NHEJ1: variants seen among roughly 807,000 people sequenced by gnomAD.
The protein encoded by NHEJ1 is non-homologous end-joining factor 1.
Under a neutral mutation model 39.4 loss-of-function variants are expected in NHEJ1, and 22 were observed. The observed-to-expected ratio is 0.56, with a 90% CI of 0.40 to 0.80. The LOEUF (loss-of-function observed/expected upper bound fraction) is 0.80. Among genes scored for constraint, NHEJ1 ranks in the 30% least tolerant of loss-of-function variants. The pLI, the probability that NHEJ1 is intolerant of heterozygous loss-of-function variation, is 0.00. For synonymous variants in NHEJ1, 154 were observed against 135.6 expected, an observed-to-expected ratio of 1.14 and a Z score of -0.94; for missense variants, 329 against 357.1, an observed-to-expected ratio of 0.92 and a Z score of 0.63.
intron 5 of NHEJ1, among the ~76,000 whole-genome samples, chr2:219,092,743 C>T (rs912400725): frequency 6.6e-5 from 10 of 152,148 alleles, no homozygotes; most frequent in Non-Finnish European, 7.3e-5. Context: ...AGAAAGACCA[C>T]GTAGAGCCAG....
intron 5 of NHEJ1, among the ~76,000 whole-genome samples, chr2:219,136,539 T>C (rs1949630319): frequency 6.6e-6 from 1 of 152,124 alleles, no homozygotes. Context: ...TCCACCCACC[T>C]CAGCCTCCCA....
intron 5 of NHEJ1, among the ~76,000 whole-genome samples, chr2:219,137,072 A>G (rs1034469122): frequency 3.0e-4 from 42 of 138,574 alleles, no homozygotes; most frequent in African/African-American, 3.1e-4. Flanking sequence ...TCTTCTTGAG[A>G]AAAAAAAAAA....
At chr2:219,093,070 T>C (rs1949175615) in intron 5 of NHEJ1, among the ~76,000 whole-genome samples, 1 of 152,230 alleles carries the variant, frequency 6.6e-6, no homozygotes, top group African/African-American at 2.4e-5. Flanking sequence ...TATATGTGTG[T>C]ATATTAACAG....
chr2:219,111,662 C>CACACAG lies in NHEJ1; in HGVS notation c.589-33457_589-33456insCTGTGT, dbSNP rs1553544990. Among the ~76,000 whole-genome samples, 3 of 148,956 alleles carry CACACAG rather than the reference C, an allele frequency of 2.0e-5. No individual in the cohort carries two copies. Among genetic ancestry groups the CACACAG allele is most frequent in the African/African-American group, 5.0e-5 (2 of 40,236 alleles). ...ACACACACACACACACACACACACA[C>CACACAG]AGAGAGATACATACAGTCAGTGGGA... On this transcript the variant is annotated intron_variant, in intron 5 of 7. Transcript: ENST00000356853. The surrounding 1 kb of genome is among the most constrained non-coding windows in gnomAD (Gnocchi z 4.1).
At chr2:219,097,624 T>C (rs2106331087) in intron 5 of NHEJ1, among the ~76,000 whole-genome samples, 1 of 152,170 alleles carries the variant, frequency 6.6e-6, no homozygotes, top group African/African-American at 2.4e-5. Flanking sequence ...TCTGAAAGGA[T>C]GAAGTTGCCA....
intron 5 of NHEJ1, among the ~76,000 whole-genome samples, chr2:219,080,276 C>G (rs529384113): frequency 5.3e-5 from 8 of 152,236 alleles, no homozygotes; most frequent in Non-Finnish European, 7.4e-5. Context: ...GTGGCTCACA[C>G]CTGTAATCCC....
intron 7 of NHEJ1, 24 bp downstream of exon 7, chr2:219,077,222 T>G: frequency 6.4e-7 from 1 of 1,566,862 alleles, no homozygotes; most frequent in Non-Finnish European, 8.8e-7. Flanking sequence ...CAGAACACCA[T>G]CCAGGAAGCT....
At chr2:219,085,018 G>T (rs1017991036) in intron 5 of NHEJ1, among the ~76,000 whole-genome samples, 7 of 152,140 alleles carry the variant, frequency 4.6e-5, no homozygotes, top group African/African-American at 1.4e-4. Context: ...TTCCTAATGT[G>T]GCTTGTGCAA....
chr2:219,079,036 G>A (rs946034621), intron 5 of NHEJ1, among the ~76,000 whole-genome samples: 2 of 152,178 alleles, frequency 1.3e-5, no homozygotes, highest in African/African-American at 2.4e-5. Context: ...ATATTTATCT[G>A]TTTCCTTCAC....
chr2:219,098,772 G>A (rs1574710582), intron 5 of NHEJ1, among the ~76,000 whole-genome samples: 1 of 152,160 alleles, frequency 6.6e-6, no homozygotes, highest in Non-Finnish European at 1.5e-5. Flanking sequence ...GCAACACAGC[G>A]AGAGTCTGTC....
intron 5 of NHEJ1, among the ~76,000 whole-genome samples, chr2:219,137,570 C>CAAAAAAAAAAAAAAAAAAAAAAAAAA (rs58279021): frequency 5.8e-5 from 2 of 34,726 alleles, no homozygotes; most frequent in Non-Finnish European, 1.2e-4. Context: ...GTGTTACAGG[C>CAAAAAAAAAAAAAAAAAAAAAAAAAA]AAAAAAAAAA....
chr2:219,080,482 G>A (rs984108627), intron 5 of NHEJ1, among the ~76,000 whole-genome samples: 6 of 150,748 alleles, frequency 4.0e-5, no homozygotes, highest in Admixed American at 6.6e-5. Flanking sequence ...CTGAGATTGC[G>A]CCACTGCACT....
intron 5 of NHEJ1, among the ~76,000 whole-genome samples, chr2:219,100,806 C>CTT (rs1266629301): frequency 6.6e-6 from 1 of 152,160 alleles, no homozygotes; most frequent in Non-Finnish European, 1.5e-5. Flanking sequence ...GCAAAGAACT[C>CTT]TATCAAGATA....
chr2:219,092,935 G>C (rs1299001805), intron 5 of NHEJ1, among the ~76,000 whole-genome samples: 1 of 152,174 alleles, frequency 6.6e-6, no homozygotes, highest in Non-Finnish European at 1.5e-5. Context: ...AGACCTCCCT[G>C]TGCCTATTCA....
At chr2:219,147,339 A>T (rs1404523836) in intron 4 of NHEJ1, among the ~76,000 whole-genome samples, 1 of 152,190 alleles carries the variant, frequency 6.6e-6, no homozygotes, top group Non-Finnish European at 1.5e-5. Context: ...AAAATTAGCC[A>T]GGCATGGTGG....
At position 219,073,349 on chromosome 2, in the gene NHEJ1, G is replaced by C. The variant is rs1948981715; in HGVS notation, c.*3032C>G. 6.6e-6 allele frequency among the ~76,000 whole-genome samples: 1 copy of C among 152,222 alleles called. No homozygotes were observed. Among genetic ancestry groups the C allele is most frequent in the Admixed American group, 6.5e-5 (1 of 15,288 alleles). ...GAAATCCTCCTTGATCTGGGAGACTGGCTGCCTGGTGACAAGAGAAGAGAA... is the reference window on the plus strand; with the variant it reads ...GAAATCCTCCTTGATCTGGGAGACTCGCTGCCTGGTGACAAGAGAAGAGAA... On this transcript the variant is annotated 3_prime_UTR_variant, in exon 8 of 8. Coordinates refer to ENST00000356853, the MANE Select transcript of NHEJ1 (RefSeq NM_024782.3).
At chr2:219,144,036 A>G (rs1949713677) in intron 5 of NHEJ1, among the ~76,000 whole-genome samples, 1 of 152,152 alleles carries the variant, frequency 6.6e-6, no homozygotes, top group African/African-American at 2.4e-5. Context: ...CCCTGTCTCT[A>G]CTAAAACTAC....
chr2:219,071,786 AGGCTG>A lies in NHEJ1; in HGVS notation c.*4590_*4594del, dbSNP rs1160672191. On this transcript the variant is annotated 3_prime_UTR_variant, in exon 8 of 8. Transcript: ENST00000356853. The stretch of plus-strand genomic sequence containing the variant: ...AGTGCTTCTTCCGGGTTCCCCTGGT[AGGCTG>A]GCCCAGATTCTTGAGAACCCATAAG... Among the ~76,000 whole-genome samples, 1 of 152,184 alleles carries A rather than the reference AGGCTG, an allele frequency of 6.6e-6. No homozygotes were observed. Among genetic ancestry groups the A allele is most frequent in the Non-Finnish European group, 1.5e-5 (1 of 68,024 alleles).
At chr2:219,128,718 C>T (rs1389000046) in intron 5 of NHEJ1, among the ~76,000 whole-genome samples, 4 of 152,180 alleles carry the variant, frequency 2.6e-5, no homozygotes, top group Non-Finnish European at 4.4e-5. Context: ...AGCCCAACCA[C>T]CCCTGACACA....
Sources: gnomAD v4.1 joint callset for allele counts (sites outside exome capture counted in the v4.1 genomes callset) on GRCh38, gnomAD v4.1.1 for gene constraint, Gnocchi (gnomAD v3.1) non-coding constraint, MANE v1.5 for transcripts, NCBI Gene and HGNC (gene_info 2026-07-23, HGNC 2026-07-21) for gene names.